The following RNF157 variants were observed in gnomAD, a reference collection of about 807,000 sequenced individuals.
RNF157 encodes the protein ring finger protein 157.
Under a neutral mutation model 88.3 loss-of-function variants are expected in RNF157, and 55 were observed. The observed-to-expected ratio is 0.62, with a 90% CI of 0.50 to 0.78. RNF157 has a LOEUF of 0.78. Ranked by LOEUF, RNF157 falls within the 30% of genes least tolerant of loss-of-function variation. The pLI is 0.00. For synonymous variants in RNF157, 334 were observed against 341.2 expected (o/e 0.98, Z 0.23); for missense variants, 788 against 860.8 (o/e 0.92, Z 1.06).
In RNF157 at chr17:76,155,591, C is replaced by G; in HGVS notation, c.1669G>C (p.Ala557Pro). The G allele has an allele frequency of 6.2e-7, 1 of 1,612,702 alleles. No homozygotes were observed. The highest frequency in any genetic ancestry group is 8.5e-7 in the Non-Finnish European group (1 of 1,179,640). Residue 557 changes from alanine to proline, a missense_variant, in exon 15 of 19, where the codon GCC (alanine) becomes CCC (proline). Physicochemically the swap from Ala to Pro is conservative, Grantham distance 27. Coordinates refer to ENST00000269391, the MANE Select transcript of RNF157 (RefSeq NM_052916.3). ...CCTTCTTCTGAGGGGGCCCTGCTGG[C>G]AGGCTGGGGGGAAGAGAGAGCCTCT... ...EGEALSSPQP[A>P]SRAPSEEGEG...
intron 2 of RNF157, among the ~76,000 whole-genome samples, chr17:76,201,380 C>T (rs2069575705): frequency 6.6e-6 from 1 of 150,866 alleles, no homozygotes; most frequent in Admixed American, 6.6e-5. Context: ...TGCATGGTGT[C>T]ATGTATCTGT....
At chr17:76,220,176 A>T (rs970549054) in intron 1 of RNF157, among the ~76,000 whole-genome samples, 8 of 152,050 alleles carry the variant, frequency 5.3e-5, no homozygotes, top group African/African-American at 1.9e-4. Context: ...CCACATTCCA[A>T]GTCTGTGGCA....
chr17:76,231,884 C>T (rs909068421), intron 1 of RNF157, among the ~76,000 whole-genome samples: 5 of 152,156 alleles, frequency 3.3e-5, no homozygotes, highest in African/African-American at 1.2e-4. Flanking sequence ...TCCATCATGC[C>T]CATTTACAGT....
At chr17:76,220,303 G>A (rs2069958750) in intron 1 of RNF157, among the ~76,000 whole-genome samples, 1 of 148,636 alleles carries the variant, frequency 6.7e-6, no homozygotes, top group South Asian at 2.1e-4. Flanking sequence ...GGTTCCCGCA[G>A]AGCAAAGATG....
rs2070083653 is a variant in RNF157 at position 76,226,295 on chromosome 17, G to A, written c.89-13813C>T. On this transcript the variant is annotated intron_variant, in intron 1 of 18. Coordinates refer to ENST00000269391, the MANE Select transcript of RNF157 (RefSeq NM_052916.3). ...ACTAAAGGAATGATCTGGAGTGGAG[G>A]ACTGGACCCCTGGGGAAAGGGGAAG... 4 of 1,608,678 alleles carry A rather than the reference G, an allele frequency of 2.5e-6. No individual in the cohort carries two copies. In the East Asian group the frequency reaches 6.7e-5, roughly 27 times the overall value.
At chr17:76,149,793 G>T (rs1406644883) in intron 18 of RNF157, among the ~76,000 whole-genome samples, 1 of 152,088 alleles carries the variant, frequency 6.6e-6, no homozygotes, top group East Asian at 1.9e-4. Context: ...CAGCACTTTG[G>T]GGGGCCGAGG....
intron 2 of RNF157, among the ~76,000 whole-genome samples, chr17:76,208,198 C>T (rs909342457): frequency 6.6e-6 from 1 of 152,208 alleles, no homozygotes; most frequent in Non-Finnish European, 1.5e-5. Context: ...GCTGGGACTA[C>T]AGGCATGAGC....
rs2598426 is a variant in RNF157, at chr17:76,146,141, C to A, written c.1922-788G>T. 0.11 allele frequency: 16,381 copies of A among 155,894 alleles called. 953 individuals are homozygous for A. Among genetic ancestry groups the A allele is most frequent in the Middle Eastern group, 0.14 (42 of 298 alleles). The allele number at this position is 155,894 out of a possible 1,614,324, so 9.7% of individuals were successfully genotyped here. On this transcript the variant is annotated intron_variant, in intron 18 of 18. Transcript: ENST00000269391. The surrounding 1 kb of genome is among the most constrained non-coding windows in gnomAD (Gnocchi z 4.2). Reference sequence around the variant, plus strand: ...CTGTGGATCCAATCCTCCACAGCCTCCTGTGGGCTCACTTCCTGGCCGTGT... The same window carrying A: ...CTGTGGATCCAATCCTCCACAGCCTACTGTGGGCTCACTTCCTGGCCGTGT...
At chr17:76,159,253 AGGATGTGGGC>A in intron 12 of RNF157, 72 bp downstream of exon 12, 1 of 1,249,684 alleles carries the variant, frequency 8.0e-7, no homozygotes, top group Non-Finnish European at 1.2e-6. Flanking sequence ...CTAAGTCCCC[AGGATGTGGGC>A]CAGCACCAAG....
rs1016401439 is a variant in RNF157, at chr17:76,176,104, A to G, written c.208-2314T>C. Among the ~76,000 whole-genome samples, 1 of 152,240 alleles carries G rather than the reference A, an allele frequency of 6.6e-6. No individual in the cohort carries two copies. The highest frequency in any genetic ancestry group is 2.4e-5 in the African/African-American group (1 of 41,460). On this transcript the variant is annotated intron_variant, in intron 2 of 18. Transcript: ENST00000269391. The surrounding 1 kb of genome is among the most constrained non-coding windows in gnomAD (Gnocchi z 4.2). The stretch of plus-strand genomic sequence containing the variant: ...GCCTTGCTGGCCTTGCATTCATGCA[A>G]TCAGAGTCTACATGCAACACTCCAT...
At chr17:76,150,962 A>G (rs2068665679) in intron 18 of RNF157, among the ~76,000 whole-genome samples, 1 of 152,248 alleles carries the variant, frequency 6.6e-6, no homozygotes, top group Non-Finnish European at 1.5e-5. Context: ...GAAAATAAAC[A>G]AACCAGACAG....
chr17:76,154,278 A>G lies in RNF157; in HGVS notation c.1810+5T>C. The G allele has an allele frequency of 6.2e-7, 1 of 1,602,574 alleles. No homozygotes were observed. Among genetic ancestry groups the G allele is most frequent in the Non-Finnish European group, 8.6e-7 (1 of 1,169,418 alleles). Reference sequence around the variant, plus strand: ...AAGGAAGTAAAGGACCAGATCTTTTACCACCTTCCTGCGTGGGTGATCCAT... The same window carrying G: ...AAGGAAGTAAAGGACCAGATCTTTTGCCACCTTCCTGCGTGGGTGATCCAT... On this transcript the variant is annotated splice_donor_5th_base_variant and intron_variant, in intron 17 of 18. Transcript: ENST00000269391.
rs1166626350 is a variant in RNF157 at position 76,161,279 on chromosome 17, C to G, written c.1065+256G>C. 6.6e-6 allele frequency among the ~76,000 whole-genome samples: 1 copy of G among 152,054 alleles called. No homozygotes were observed. Among genetic ancestry groups the G allele is most frequent in the East Asian group, 1.9e-4 (1 of 5,192 alleles). On this transcript the variant is annotated intron_variant, in intron 11 of 18. Transcript: ENST00000269391. The surrounding 1 kb of genome is among the most constrained non-coding windows in gnomAD (Gnocchi z 4.6). The stretch of plus-strand genomic sequence containing the variant: ...CAAGTTGAACCTCACTGGAGTGAAA[C>G]TGCAAGCAGATGGCTCTAGGAATGG...
chr17:76,210,222 T>C (rs905250533), intron 2 of RNF157, among the ~76,000 whole-genome samples: 28 of 152,264 alleles, frequency 1.8e-4, no homozygotes, highest in African/African-American at 6.0e-4. Flanking sequence ...ATAACTTAAC[T>C]TGAAGCAGAC....
chr17:76,211,635 T>G (rs1199466364), intron 2 of RNF157, among the ~76,000 whole-genome samples: 1 of 152,184 alleles, frequency 6.6e-6, no homozygotes, highest in Non-Finnish European at 1.5e-5. Flanking sequence ...ATTATTCATC[T>G]CTCTGAACAC....
intron 2 of RNF157, among the ~76,000 whole-genome samples, chr17:76,203,601 C>G (rs955424271): frequency 6.6e-6 from 1 of 151,316 alleles, no homozygotes; most frequent in Admixed American, 6.6e-5. Context: ...TACGGGAACC[C>G]GCCATCATGC....
chr17:76,156,446 T>C, intron 13 of RNF157, 125 bp from the exon 14 acceptor site: 1 of 1,489,714 alleles, frequency 6.7e-7, no homozygotes, highest in Non-Finnish European at 8.9e-7. Context: ...AGGGACTGAG[T>C]GGCATGCAGA....
chr17:76,165,548 G>A lies in RNF157; in HGVS notation c.629-3C>T. 3.1e-6 allele frequency: 5 copies of A among 1,614,196 alleles called. No individual in the cohort carries two copies. Among genetic ancestry groups the A allele is most frequent in the East Asian group, 4.5e-5 (2 of 44,894 alleles). On this transcript the variant is annotated splice_polypyrimidine_tract_variant and splice_region_variant and intron_variant, in intron 6 of 18. Coordinates refer to ENST00000269391, the MANE Select transcript of RNF157 (RefSeq NM_052916.3). Reference sequence around the variant, plus strand: ...TACATGGCAATGGCCAAAATACTCTGAAAGAAACAAAGGCACGTGAGTGAA... The same window carrying A: ...TACATGGCAATGGCCAAAATACTCTAAAAGAAACAAAGGCACGTGAGTGAA...
chr17:76,182,836 T>A (rs557478998), intron 2 of RNF157, among the ~76,000 whole-genome samples: 7 of 137,924 alleles, frequency 5.1e-5, no homozygotes, highest in Admixed American at 5.0e-4. Context: ...ATCCTATATA[T>A]GATATATAGG....
Sources: gnomAD v4.1 joint callset for allele counts (sites outside exome capture counted in the v4.1 genomes callset) on GRCh38, gnomAD v4.1.1 for gene constraint, Gnocchi (gnomAD v3.1) non-coding constraint, MANE v1.5 for transcripts, NCBI Gene and HGNC (gene_info 2026-07-23, HGNC 2026-07-21) for gene names.